Variants in COL16A1 observed in about 807,000 individuals in gnomAD.
The protein encoded by COL16A1 is collagen alpha-1(XVI) chain.
A neutral mutation model predicts 266.3 loss-of-function variants in COL16A1; 189 were observed. The observed-to-expected ratio is 0.71, with a 90% confidence interval of 0.63 to 0.80. The LOEUF is 0.80. Ranked by LOEUF, COL16A1 falls within the 30% of genes least tolerant of loss-of-function variation. COL16A1 has a pLI of 0.00. For synonymous variants in COL16A1, 740 were observed against 782.3 expected, an observed-to-expected ratio of 0.95 and a Z score of 0.90; for missense variants, 1,928 against 2,122.4, an observed-to-expected ratio of 0.91 and a Z score of 1.80.
rs1334896311 is a variant in COL16A1 at position 31,656,613 on chromosome 1, A to G, written c.4057-169T>C. Among the ~76,000 whole-genome samples, 4 of 152,156 alleles carry G rather than the reference A, an allele frequency of 2.6e-5. No individual in the cohort carries two copies. ...CCTCCCTGCCCAGCTGGAAGGGAAA[A>G]TAATGTCCTCTGGGGCATGGCCTTG... On this transcript the variant is annotated intron_variant, in intron 65 of 70. Transcript: ENST00000373672. The surrounding 1 kb of genome is among the most constrained non-coding windows in gnomAD (Gnocchi z 4.2).
chr1:31,660,435 G>A (rs1030949473), intron 62 of COL16A1, 150 bp downstream of exon 62: 11 of 992,504 alleles, frequency 1.1e-5, no homozygotes, highest in Non-Finnish European at 1.6e-5. Flanking sequence ...CGAAAAGCCT[G>A]GAAACCACAG....
intron 42 of COL16A1, among the ~76,000 whole-genome samples, chr1:31,677,577 T>C (rs903503856): frequency 6.6e-6 from 1 of 152,250 alleles, no homozygotes; most frequent in African/African-American, 2.4e-5. Flanking sequence ...AATGACCTAC[T>C]AGTTGCCTCA....
Position 31,656,594 on chromosome 1 carries a change from T to C in COL16A1, c.4057-150A>G. 2 of 1,285,498 alleles carry C rather than the reference T, an allele frequency of 1.6e-6. No homozygotes were observed. The highest frequency in any genetic ancestry group is 2.1e-6 in the Non-Finnish European group (2 of 948,540). The allele number at this position is 1,285,498 out of a possible 1,614,324, so 79.6% of individuals were successfully genotyped here. ...GTGTGAGAAAGGAGCGCAGCCTCCC[T>C]GCCCAGCTGGAAGGGAAAATAATGT... is the stretch of plus-strand genomic sequence containing the variant. On this transcript the variant is annotated intron_variant, in intron 65 of 70. Transcript: ENST00000373672. This position sits in a 1 kb window ranked among gnomAD's most constrained non-coding sequence, Gnocchi z 4.2.
In COL16A1 at chr1:31,695,800, T is replaced by TG. The variant is rs761930023; in HGVS notation, c.919-14dup. The TG allele has an allele frequency of 1.8e-5, 29 of 1,588,266 alleles. No homozygotes were observed. The highest frequency in any genetic ancestry group is 2.3e-5 in the Non-Finnish European group (27 of 1,157,358). On this transcript the variant is annotated splice_polypyrimidine_tract_variant and intron_variant, in intron 9 of 70. Coordinates refer to ENST00000373672, the MANE Select transcript of COL16A1 (RefSeq NM_001856.4). ...TCTCCTGATGGACCTGAGGAAAGGGTGGGGGGTGTGGGAATGGGCAGGGAG... is the reference window on the plus strand; with the variant it reads ...TCTCCTGATGGACCTGAGGAAAGGGTGGGGGGGTGTGGGAATGGGCAGGGAG...
In COL16A1 at chr1:31,656,176, C is replaced by A. The variant is rs1409764642; in HGVS notation, c.4101+224G>T. 3 of 665,638 alleles carry A rather than the reference C, an allele frequency of 4.5e-6. No homozygotes were observed. The highest frequency in any genetic ancestry group is 7.6e-6 in the Non-Finnish European group (3 of 395,654). The allele number at this position is 665,638 out of a possible 1,614,324, so 41.2% of individuals were successfully genotyped here. ...AAATGGAAACAATGAATGAATCAAT[C>A]AGTCAATCAGTGAGTAAATGAACTG... On this transcript the variant is annotated intron_variant, in intron 66 of 70. Coordinates refer to ENST00000373672, the MANE Select transcript of COL16A1 (RefSeq NM_001856.4). This position sits in a 1 kb window ranked among gnomAD's most constrained non-coding sequence, Gnocchi z 4.2.
At chr1:31,673,147 G>A (rs1234215547) in intron 44 of COL16A1, 3 of 436,998 alleles carry the variant, frequency 6.9e-6, no homozygotes, top group Admixed American at 3.4e-5. Context: ...TGTCCCGGCT[G>A]TTCCTGCAAC....
chr1:31,692,744 C>G, intron 14 of COL16A1, 23 bp downstream of exon 14: 1 of 1,613,542 alleles, frequency 6.2e-7, no homozygotes, highest in Non-Finnish European at 8.5e-7. Flanking sequence ...GGCCCTGAAG[C>G]AGGCATCACC....
intron 57 of COL16A1, 99 bp from the exon 58 acceptor site, chr1:31,662,486 C>T: frequency 8.3e-6 from 13 of 1,557,980 alleles, no homozygotes; most frequent in Non-Finnish European, 1.0e-5. Context: ...CCTCCCCTGA[C>T]TCCCACCTCA....
intron 56 of COL16A1, 70 bp downstream of exon 56, chr1:31,665,101 AG>A: frequency 1.3e-6 from 2 of 1,566,854 alleles, no homozygotes; most frequent in Non-Finnish European, 1.7e-6. Context: ...GCCTGATGCT[AG>A]GGGTGGGACA....
At chr1:31,672,366 C>T in intron 47 of COL16A1, 50 bp downstream of exon 47, 1 of 1,607,312 alleles carries the variant, frequency 6.2e-7, no homozygotes, top group Non-Finnish European at 8.5e-7. Context: ...GTCTCAAAGG[C>T]AGACAGGGCC....
chr1:31,688,718 A>G lies in COL16A1; in HGVS notation c.1767+143T>C. 1 of 1,069,066 alleles carries G rather than the reference A, an allele frequency of 9.4e-7. No individual in the cohort carries two copies. Among genetic ancestry groups the G allele is most frequent in the East Asian group, 2.6e-5 (1 of 38,954 alleles). 66.2% of individuals were successfully genotyped at this position (1,069,066 alleles called of 1,614,324 possible). ...GGGCAGCACAGGGACGGAGGGAGGG[A>G]CCAGGAGACAGGCCTGGGACACCTG... On this transcript the variant is annotated intron_variant, in intron 25 of 70. Transcript: ENST00000373672. The surrounding 1 kb of genome is among the most constrained non-coding windows in gnomAD (Gnocchi z 4.9).
In COL16A1 at chr1:31,702,202, A is replaced by G. The variant is rs2148840777; in HGVS notation, c.-9T>C. 6.2e-7 allele frequency: 1 copy of G among 1,614,072 alleles called. No individual in the cohort carries two copies. Among genetic ancestry groups the G allele is most frequent in the Admixed American group, 1.7e-5 (1 of 60,032 alleles). On this transcript the variant is annotated 5_prime_UTR_variant, in exon 2 of 71. Transcript: ENST00000373672. Reference sequence around the variant, plus strand: ...GCCCAGGATACCCACATCCCGGTCCAAAGAGGTCAGCTACAGCCACAGCAC... The same window carrying G: ...GCCCAGGATACCCACATCCCGGTCCGAAGAGGTCAGCTACAGCCACAGCAC...
chr1:31,654,657 C>T, intron 68 of COL16A1, 135 bp downstream of exon 68: 1 of 1,519,162 alleles, frequency 6.6e-7, no homozygotes, highest in Non-Finnish European at 8.9e-7. Context: ...TGCCTGTCAA[C>T]CCCAGGCCTG....
Position 31,661,461 on chromosome 1 carries a change from G to A in COL16A1, c.3727-3C>T, listed in dbSNP as rs999968665. On this transcript the variant is annotated splice_polypyrimidine_tract_variant and splice_region_variant and intron_variant, in intron 59 of 70. Transcript: ENST00000373672. ...TGTCCTGTTTTCCCCTTAAAGCCCT[G>A]AAAGAAAAAGCAGGGAGTTCTCATG... 8.7e-6 allele frequency: 14 copies of A among 1,614,020 alleles called. No individual in the cohort carries two copies. The highest frequency in any genetic ancestry group is 1.2e-5 in the Non-Finnish European group (14 of 1,180,020).
chr1:31,661,183 A>G, intron 60 of COL16A1, 64 bp from the exon 61 acceptor site: 1 of 1,536,770 alleles, frequency 6.5e-7, no homozygotes, highest in Non-Finnish European at 8.8e-7. Flanking sequence ...CCCCAAGTCA[A>G]CCTCACATCA....
rs759969362 is a variant in COL16A1, at chr1:31,658,541, C to T, written c.3967G>A (p.Gly1323Ser). 1 of 1,605,048 alleles carries T rather than the reference C, an allele frequency of 6.2e-7. No individual in the cohort carries two copies. Among genetic ancestry groups the T allele is most frequent in the Non-Finnish European group, 8.5e-7 (1 of 1,176,742 alleles). The change falls in exon 64 of 71, where the codon GGC becomes AGC. Residue 1323 changes from glycine to serine, a missense_variant. This residue lies in a region of COL16A1 where 376 missense variants were observed against 485.2 expected (regional missense o/e 0.77). Coordinates refer to ENST00000373672, the MANE Select transcript of COL16A1 (RefSeq NM_001856.4). ...KGDRGATGERGLAGLPGQPGP... is the reference protein window; with the variant it reads ...KGDRGATGERSLAGLPGQPGP... ...GGCTGGCCTGGGAGGCCTGCAAGGCCCCTTTCTCCGGTGGCTCCTCGGTCT... is the reference window on the plus strand; with the variant it reads ...GGCTGGCCTGGGAGGCCTGCAAGGCTCCTTTCTCCGGTGGCTCCTCGGTCT...
chr1:31,689,747 T>C lies in COL16A1; in HGVS notation c.1614A>G (p.Pro538=), dbSNP rs770490831. 3.7e-6 allele frequency: 6 copies of C among 1,613,808 alleles called. No individual in the cohort carries two copies. Among genetic ancestry groups the C allele is most frequent in the Non-Finnish European group, 5.1e-6 (6 of 1,179,850 alleles). ...GGTCACCCTGGGCACTCACCCTGGC[T>C]GGTACAGGATCACCAGGCTCCCCTT... The part of the protein sequence containing the change: ...GPKGEPGDPV[P]ARGDPGIQGI... The change falls in exon 23 of 71, where the codon CCA becomes CCG. Residue 538 remains proline, a synonymous_variant. Transcript: ENST00000373672.
Position 31,684,598 on chromosome 1 carries a change from C to G in COL16A1, c.2085G>C (p.Thr695=). 1 of 1,613,924 alleles carries G rather than the reference C, an allele frequency of 6.2e-7. No individual in the cohort carries two copies. Among genetic ancestry groups the G allele is most frequent in the Non-Finnish European group, 8.5e-7 (1 of 1,179,996 alleles). ...GDAGNPGDPG[T]PGTTGRPGLS... is the part of the protein sequence containing the mutation. ...GTCCTGGCCGCCCTGTGGTGCCCGG[C>G]GTTCCAGGGTCTCCAGGATTCCCAG... The change falls in exon 31 of 71, where the codon ACG becomes ACC. Residue 695 remains threonine, a synonymous_variant. Transcript: ENST00000373672.
chr1:31,672,540 G>A, intron 46 of COL16A1, 38 bp from the exon 47 acceptor site: 1 of 1,613,756 alleles, frequency 6.2e-7, no homozygotes, highest in Non-Finnish European at 8.5e-7. Context: ...GAGCAGTCAG[G>A]GCCTGTCCCT....
Sources: gnomAD v4.1 joint callset for allele counts (sites outside exome capture counted in the v4.1 genomes callset) on GRCh38, gnomAD v4.1.1 for gene constraint, gnomAD v4.1.1 regional missense constraint, Gnocchi (gnomAD v3.1) non-coding constraint, MANE v1.5 for transcripts, NCBI Gene and HGNC (gene_info 2026-07-23, HGNC 2026-07-21) for gene names.